The following ARHGAP29 variants were observed in gnomAD, a reference collection of about 807,000 sequenced individuals.
ARHGAP29 encodes Rho GTPase activating protein 29.
ARHGAP29 carries 43 observed loss-of-function variants against 122.6 expected under a neutral mutation model. The ratio of observed to expected loss-of-function variants is 0.35; its 90% CI spans 0.27 to 0.45. The LOEUF (loss-of-function observed/expected upper bound fraction) is 0.45. Among genes scored for constraint, ARHGAP29 ranks in the 20% least tolerant of loss-of-function variants. ARHGAP29 has a pLI of 1.00. For synonymous variants in ARHGAP29, 506 were observed against 497.1 expected (o/e 1.02, Z -0.24); for missense variants, 1,303 against 1,477.2 (o/e 0.88, Z 1.93).
chr1:94,202,789 T>C (rs781076790), intron 10 of ARHGAP29, 57 bp from the exon 11 acceptor site: 16 of 1,575,130 alleles, frequency 1.0e-5, no homozygotes, highest in Admixed American at 1.8e-5. Context: ...TGAACAAGTG[T>C]CTTTAGCATA....
At chr1:94,279,958 G>T (rs541754271), upstream of ARHGAP29, among the ~76,000 whole-genome samples, 1 of 151,778 alleles carries the variant, frequency 6.6e-6, no homozygotes, top group South Asian at 2.1e-4. Flanking sequence ...CAAGTTGTTT[G>T]TTCTTTTAGT....
chr1:94,241,381 C>T (rs1364319562), upstream of ARHGAP29, among the ~76,000 whole-genome samples: 1 of 151,950 alleles, frequency 6.6e-6, no homozygotes, highest in African/African-American at 2.4e-5. Context: ...GTTGGGAGGC[C>T]GAGGCGGGCG....
chr1:94,265,861 A>G (rs1481685791), intron 1 of ARHGAP29, among the ~76,000 whole-genome samples: 1 of 152,070 alleles, frequency 6.6e-6, no homozygotes, highest in African/African-American at 2.4e-5. Flanking sequence ...GGAATGGGGG[A>G]GCACCAAAAT....
the ARHGAP29 span, among the ~76,000 whole-genome samples, chr1:94,310,637 A>G: frequency 2.6e-5 from 4 of 152,316 alleles, no homozygotes; most frequent in African/African-American, 9.6e-5. Context: ...TTGAGCCTCC[A>G]ATTGATTAAT....
upstream of ARHGAP29, among the ~76,000 whole-genome samples, chr1:94,241,698 AT>A (rs1217535249): frequency 3.8e-5 from 2 of 52,032 alleles, no homozygotes; most frequent in African/African-American, 1.2e-4. Flanking sequence ...TATATATGTA[AT>A]TATATATGAT....
intron 3 of ARHGAP29, among the ~76,000 whole-genome samples, chr1:94,210,149 T>A (rs182972877): frequency 6.6e-6 from 1 of 152,204 alleles, no homozygotes; most frequent in Non-Finnish European, 1.5e-5. Flanking sequence ...GTAATTTTTT[T>A]AAAGTAACTG....
At chr1:94,287,755 G>C in the ARHGAP29 span, among the ~76,000 whole-genome samples, 1 of 151,262 alleles carries the variant, frequency 6.6e-6, no homozygotes, top group Non-Finnish European at 1.5e-5. Flanking sequence ...TGCGATGTTT[G>C]GTTTTCTGTC....
chr1:94,202,690 T>C lies in ARHGAP29; in HGVS notation c.997A>G (p.Met333Val). The change falls in exon 11 of 23, where the codon ATG (methionine) becomes GTG (valine). Residue 333 changes from methionine to valine, a missense_variant. Transcript: ENST00000260526. ...NALKKAKLLC[M>V]QRQDEYEKAK... ...TTCTCATATTCATCTTGACGTTGCA[T>C]GCATAATAATTTTGCCTTTTTGAGA... 1 of 1,614,132 alleles carries C rather than the reference T, an allele frequency of 6.2e-7. No homozygotes were observed. The highest frequency in any genetic ancestry group is 8.5e-7 in the Non-Finnish European group (1 of 1,180,038).
In ARHGAP29 at chr1:94,205,135, G is replaced by A. The variant is rs145191614; in HGVS notation, c.623C>T (p.Ala208Val). The change falls in exon 7 of 23, where the codon GCT (alanine) becomes GTT (valine). Residue 208 changes from alanine (A) to valine (V), a missense_variant. Ala to Val is a moderately conservative substitution (Grantham distance 64). Transcript: ENST00000260526. ...LLKNTDSIEL[A>V]LSYAKTWSKY... is the part of the protein sequence containing the mutation. Reference sequence around the variant, plus strand: ...TGACCAAGTTTTAGCATATGACAAAGCCAGCTCGATAGAGTCAGTGTTCTT... The same window carrying A: ...TGACCAAGTTTTAGCATATGACAAAACCAGCTCGATAGAGTCAGTGTTCTT... 1 of 1,608,340 alleles carries A rather than the reference G, an allele frequency of 6.2e-7. No homozygotes were observed. Among genetic ancestry groups the A allele is most frequent in the Non-Finnish European group, 8.5e-7 (1 of 1,178,000 alleles).
chr1:94,195,784 T>C (rs1417617690), intron 12 of ARHGAP29: 2 of 151,794 alleles, frequency 1.3e-5, no homozygotes. Flanking sequence ...ACTTTAAATA[T>C]GATAAAATTA....
At chr1:94,193,466 G>C (rs569659589) in intron 12 of ARHGAP29, 7 of 151,268 alleles carry the variant, frequency 4.6e-5, no homozygotes, top group African/African-American at 1.5e-4. Flanking sequence ...ATCCAAAACA[G>C]GAAAAACAGC....
At chr1:94,265,525 A>T (rs183345260) in intron 1 of ARHGAP29, among the ~76,000 whole-genome samples, 152 of 152,350 alleles carry the variant, frequency 1.0e-3, no homozygotes, top group East Asian at 6.2e-3. Context: ...CTTGGGAAGG[A>T]AAGTGGATAA....
intron 2 of ARHGAP29, among the ~76,000 whole-genome samples, chr1:94,225,809 T>A (rs935127342): frequency 6.6e-6 from 1 of 152,072 alleles, no homozygotes; most frequent in African/African-American, 2.4e-5. Context: ...ATAATAAAAT[T>A]CAACCAAAGT....
chr1:94,310,683 G>T, the ARHGAP29 span, among the ~76,000 whole-genome samples: 1 of 152,150 alleles, frequency 6.6e-6, no homozygotes, highest in South Asian at 2.1e-4. Flanking sequence ...TTCTTCGTTG[G>T]TTAGCTCAGA....
chr1:94,208,756 G>T, intron 5 of ARHGAP29, 76 bp downstream of exon 5: 1 of 1,417,494 alleles, frequency 7.1e-7, no homozygotes, highest in Non-Finnish European at 9.9e-7. Context: ...CACCACCCCC[G>T]GCCTAAGATT....
In ARHGAP29 at chr1:94,205,643, C is replaced by T. The variant is rs749841124; in HGVS notation, c.551G>A (p.Ser184Asn). Residue 184 changes from serine to asparagine, a missense_variant, in exon 6 of 23, where the codon AGT (serine) becomes AAT (asparagine). This residue lies in a region of ARHGAP29 where 592 missense variants were observed against 648.2 expected (regional missense o/e 0.91). Transcript: ENST00000260526. ...NVSVESVDSSSEKGNFSPLEL... is the reference protein window; with the variant it reads ...NVSVESVDSSNEKGNFSPLEL... ...AACACCTTGAGCATTACCTTTTTCA[C>T]TGGATGAGTCCACTGATTCCACAGA... The T allele has an allele frequency of 1.2e-6, 2 of 1,612,062 alleles. No homozygotes were observed. The highest frequency in any genetic ancestry group is 1.7e-6 in the Non-Finnish European group (2 of 1,179,182).
intron 7 of ARHGAP29, 127 bp from the exon 8 acceptor site, chr1:94,204,121 A>G (rs1570533677): frequency 1.8e-6 from 1 of 554,642 alleles, no homozygotes; most frequent in Non-Finnish European, 3.0e-6. Context: ...ATCAAGATAT[A>G]ATACAGCAAT....
At chr1:94,231,364 T>G in intron 2 of ARHGAP29, 43 bp downstream of exon 2, 1 of 1,553,208 alleles carries the variant, frequency 6.4e-7, no homozygotes, top group Non-Finnish European at 8.9e-7. Flanking sequence ...ATTTAAAATT[T>G]TACAAACTAT....
intron 15 of ARHGAP29, among the ~76,000 whole-genome samples, 176 bp downstream of exon 15, chr1:94,188,661 A>G (rs930749269): frequency 3.9e-5 from 6 of 152,124 alleles, no homozygotes; most frequent in African/African-American, 7.2e-5. Flanking sequence ...ATAATCGTCT[A>G]TTCTTAGCCT....
Sources: gnomAD v4.1 joint callset for allele counts (sites outside exome capture counted in the v4.1 genomes callset) on GRCh38, gnomAD v4.1.1 for gene constraint, gnomAD v4.1.1 regional missense constraint, MANE v1.5 for transcripts, NCBI Gene and HGNC (gene_info 2026-07-23, HGNC 2026-07-21) for gene names.